NCK2: variants seen among roughly 807,000 people sequenced by gnomAD.
NCK2 encodes the protein NCK adaptor protein 2, also known as cytoplasmic protein NCK2.
Under a neutral mutation model 33.9 loss-of-function variants are expected in NCK2, and 16 were observed. That is an observed-to-expected ratio of 0.47 (90% confidence interval 0.32 to 0.72). The LOEUF is 0.72. Among genes scored for constraint, NCK2 ranks in the 30% least tolerant of loss-of-function variants. NCK2 has a pLI of 0.03. For synonymous variants in NCK2, 273 were observed against 239.9 expected, an observed-to-expected ratio of 1.14 and a Z score of -1.27; for missense variants, 418 against 537.3, an observed-to-expected ratio of 0.78 and a Z score of 2.19.
chr2:105,852,144 A>G (rs1677092813), intron 2 of NCK2, among the ~76,000 whole-genome samples: 1 of 152,162 alleles, frequency 6.6e-6, no homozygotes, highest in African/African-American at 2.4e-5. Flanking sequence ...CTGGGCTCAA[A>G]TCCTGACTGT....
At chr2:105,820,261 G>A (rs373267496) in intron 2 of NCK2, among the ~76,000 whole-genome samples, 56 of 152,246 alleles carry the variant, frequency 3.7e-4, no homozygotes, top group African/African-American at 1.3e-3. Flanking sequence ...CATTTGGTCG[G>A]TGGTCCTTGA....
At chr2:105,761,050 A>G (rs1224454271) in intron 1 of NCK2, among the ~76,000 whole-genome samples, 8 of 152,110 alleles carry the variant, frequency 5.3e-5, no homozygotes, top group Non-Finnish European at 1.2e-4. Context: ...GGGCTCAGGA[A>G]GTGGTCCCGA....
At chr2:105,751,417 A>G (rs1370657265) in intron 1 of NCK2, among the ~76,000 whole-genome samples, 1 of 152,168 alleles carries the variant, frequency 6.6e-6, no homozygotes, top group Non-Finnish European at 1.5e-5. Flanking sequence ...AGGTCTGGCC[A>G]TGACCTGCAC....
intron 3 of NCK2, among the ~76,000 whole-genome samples, chr2:105,865,682 T>A (rs1042288056): frequency 6.6e-6 from 1 of 152,162 alleles, no homozygotes; most frequent in Admixed American, 6.5e-5. Context: ...AAGCTGAGTG[T>A]CATAGGAGTA....
intron 3 of NCK2, among the ~76,000 whole-genome samples, chr2:105,871,112 G>T (rs778577586): frequency 6.6e-6 from 1 of 152,114 alleles, no homozygotes; most frequent in Non-Finnish European, 1.5e-5. Context: ...TGAAATCGGG[G>T]TGATGAGACA....
chr2:105,815,693 C>G (rs145276353), intron 1 of NCK2, among the ~76,000 whole-genome samples: 200 of 152,294 alleles, frequency 1.3e-3, no homozygotes, highest in African/African-American at 4.4e-3. Flanking sequence ...AGTCTTGAAA[C>G]TAGGGGTGCT....
intron 2 of NCK2, 110 bp from the exon 3 acceptor site, chr2:105,854,938 G>A (rs942777372): frequency 1.2e-5 from 9 of 722,044 alleles, no homozygotes; most frequent in African/African-American, 7.1e-5. Context: ...GGAGAAAACT[G>A]GTTGCAGAGT....
At chr2:105,805,404 A>C (rs1163685264) in intron 1 of NCK2, among the ~76,000 whole-genome samples, 1 of 152,234 alleles carries the variant, frequency 6.6e-6, no homozygotes, top group Non-Finnish European at 1.5e-5. Context: ...TTAAAGCTAA[A>C]CATACTTTAA....
intron 1 of NCK2, among the ~76,000 whole-genome samples, chr2:105,795,599 G>A (rs1348764837): frequency 6.6e-6 from 1 of 152,158 alleles, no homozygotes; most frequent in Non-Finnish European, 1.5e-5. Context: ...TCTCAGCCAG[G>A]GTGATTTCAT....
chr2:105,867,780 G>T (rs1269049705), intron 3 of NCK2, among the ~76,000 whole-genome samples: 5 of 152,192 alleles, frequency 3.3e-5, no homozygotes, highest in Non-Finnish European at 5.9e-5. Context: ...TTACTAAGAT[G>T]ATCTCACCCT....
At chr2:105,811,513 T>C (rs1675293098) in intron 1 of NCK2, among the ~76,000 whole-genome samples, 1 of 152,178 alleles carries the variant, frequency 6.6e-6, no homozygotes, top group Non-Finnish European at 1.5e-5. Context: ...TGTTCCCAGC[T>C]AGGGAATCCA....
chr2:105,761,024 G>T (rs1281858069), intron 1 of NCK2, among the ~76,000 whole-genome samples: 1 of 152,190 alleles, frequency 6.6e-6, no homozygotes, highest in African/African-American at 2.4e-5. Context: ...GCCTGAGGAA[G>T]CCCTGGTCTG....
Position 105,890,775 on chromosome 2 carries a change from A to C in NCK2, c.949-2207A>C, listed in dbSNP as rs115041340. On this transcript the variant is annotated intron_variant, in intron 4 of 4. Coordinates refer to ENST00000233154, the MANE Select transcript of NCK2 (RefSeq NM_003581.5). ...CTCATTCCCCTGAGTTGTCATTGGTAGAAATGGAGTGATTCCTTGTTTTGC... is the reference window on the plus strand; with the variant it reads ...CTCATTCCCCTGAGTTGTCATTGGTCGAAATGGAGTGATTCCTTGTTTTGC... 4.3e-3 allele frequency among the ~76,000 whole-genome samples: 651 copies of C among 152,360 alleles called. 7 individuals are homozygous for C. The highest frequency in any genetic ancestry group is 0.015 in the African/African-American group (628 of 41,578).
At chr2:105,794,190 A>C (rs1459807002) in intron 1 of NCK2, among the ~76,000 whole-genome samples, 3 of 151,766 alleles carry the variant, frequency 2.0e-5, no homozygotes, top group Non-Finnish European at 4.4e-5. Flanking sequence ...CTGGGATTAC[A>C]GGCGCCTGCC....
chr2:105,763,275 C>T (rs1012660477), intron 1 of NCK2, among the ~76,000 whole-genome samples: 6 of 152,172 alleles, frequency 3.9e-5, no homozygotes, highest in African/African-American at 9.7e-5. Flanking sequence ...AGCGGGACCT[C>T]GCCAGGGACC....
intron 2 of NCK2, among the ~76,000 whole-genome samples, chr2:105,826,804 GTA>G (rs371525998): frequency 2.7e-5 from 4 of 150,772 alleles, no homozygotes; most frequent in Non-Finnish European, 1.5e-5. Context: ...TTATATATGT[GTA>G]TATATATATA....
chr2:105,864,032 C>T (rs1677652424), intron 3 of NCK2, among the ~76,000 whole-genome samples: 1 of 152,030 alleles, frequency 6.6e-6, no homozygotes, highest in Admixed American at 6.6e-5. Context: ...AGACGGAAAC[C>T]CATAGGTGTG....
chr2:105,777,207 G>A (rs1033836375), intron 1 of NCK2, among the ~76,000 whole-genome samples: 3 of 152,136 alleles, frequency 2.0e-5, no homozygotes, highest in Admixed American at 2.0e-4. Flanking sequence ...CGTCACTGCT[G>A]CTTTAGGAAC....
At chr2:105,883,212 G>GT (rs1168264909) in intron 4 of NCK2, among the ~76,000 whole-genome samples, 1 of 152,198 alleles carries the variant, frequency 6.6e-6, no homozygotes, top group Admixed American at 6.5e-5. Context: ...AGTCACCAGA[G>GT]TTTATCATTC....
Sources: gnomAD v4.1 joint callset for allele counts (sites outside exome capture counted in the v4.1 genomes callset) on GRCh38, gnomAD v4.1.1 for gene constraint, MANE v1.5 for transcripts, NCBI Gene and HGNC (gene_info 2026-07-23, HGNC 2026-07-21) for gene names.